Variants in CLASP1 observed in about 807,000 individuals in gnomAD.
CLASP1 encodes the protein CLIP-associating protein 1.
CLASP1 carries 38 observed loss-of-function variants against 192.3 expected under a neutral mutation model. That is an observed-to-expected ratio of 0.20 (90% confidence interval 0.15 to 0.26). The LOEUF is 0.26. Ranked by LOEUF, CLASP1 falls within the 10% of genes least tolerant of loss-of-function variation. The pLI is 1.00. For missense variants in CLASP1, 1,433 were observed against 1,932.5 expected (o/e 0.74, Z 4.85); for synonymous variants, 691 against 712.8 (o/e 0.97, Z 0.49).
intron 22 of CLASP1, among the ~76,000 whole-genome samples, chr2:121,422,875 T>C (rs761803715): frequency 2.4e-4 from 37 of 152,178 alleles, no homozygotes; most frequent in Admixed American, 2.4e-3. Context: ...ATTAAAACTG[T>C]TGAATTTGTT....
In CLASP1 at chr2:121,605,184, T is replaced by C. The variant is rs538312331; in HGVS notation, c.195+517A>G. On this transcript the variant is annotated intron_variant, in intron 2 of 39. Coordinates refer to ENST00000263710, the Ensembl canonical transcript of CLASP1. ...GCCTTGACCTTTAGATCCTGAAGGA[T>C]ATCCTCTAGGCCATTACACACAGGT... Among the ~76,000 whole-genome samples the C allele has an allele frequency of 2.4e-5, 3 of 124,900 alleles. No individual in the cohort carries two copies. The East Asian group carries it at 7.9e-4, about 33-fold the overall frequency. The allele number at this position is 124,900 out of a possible 152,430, so 81.9% of individuals were successfully genotyped here.
intron 1 of CLASP1, among the ~76,000 whole-genome samples, chr2:121,621,282 T>G (rs1274638623): frequency 6.6e-6 from 1 of 151,910 alleles, no homozygotes; most frequent in Admixed American, 6.6e-5. Context: ...TTTACAACCA[T>G]GTTTTCTTCT....
chr2:121,363,269 A>G (rs1359842128), exon 37 of CLASP1: 1 of 1,613,786 alleles, frequency 6.2e-7, no homozygotes, highest in Non-Finnish European at 8.5e-7. Context: ...AATTTCCCTC[A>G]AAACTCTTAA....
At chr2:121,488,241 A>G (rs908524566) in intron 8 of CLASP1, among the ~76,000 whole-genome samples, 1 of 152,208 alleles carries the variant, frequency 6.6e-6, no homozygotes, top group Non-Finnish European at 1.5e-5. Context: ...AAGATCAACT[A>G]TATTATTTTA....
At chr2:121,498,491 G>A (rs2093623142) in intron 8 of CLASP1, among the ~76,000 whole-genome samples, 1 of 152,154 alleles carries the variant, frequency 6.6e-6, no homozygotes, top group African/African-American at 2.4e-5. Context: ...ACAGGTGTGA[G>A]CCACTGCACC....
chr2:121,434,736 G>A (rs974446991), intron 19 of CLASP1, among the ~76,000 whole-genome samples: 30 of 152,108 alleles, frequency 2.0e-4, no homozygotes, highest in Admixed American at 9.2e-4. Context: ...ACACCTGTAA[G>A]CCCAGCACTT....
chr2:121,426,105 A>G (rs1331538376), intron 21 of CLASP1, among the ~76,000 whole-genome samples: 1 of 152,214 alleles, frequency 6.6e-6, no homozygotes, highest in African/African-American at 2.4e-5. Context: ...TGATCACACC[A>G]CTGCACTTCA....
intron 8 of CLASP1, among the ~76,000 whole-genome samples, chr2:121,480,002 G>A (rs190316032): frequency 6.7e-4 from 102 of 152,294 alleles, no homozygotes; most frequent in African/African-American, 2.3e-3. Flanking sequence ...CCACAGAAGT[G>A]AGCGTGGAAT....
In CLASP1 at chr2:121,457,672, T is replaced by C; in HGVS notation, c.1385+15A>G. 6.3e-7 allele frequency: 1 copy of C among 1,593,518 alleles called. No individual in the cohort carries two copies. The highest frequency in any genetic ancestry group is 1.1e-5 in the South Asian group (1 of 89,136). Reference sequence around the variant, plus strand: ...AAACAATTCAAAAACAATGAGAAAATCCTTTAAAATTTACCTTCTAACTGC... The same window carrying C: ...AAACAATTCAAAAACAATGAGAAAACCCTTTAAAATTTACCTTCTAACTGC... On this transcript the variant is annotated intron_variant, in intron 14 of 39. Coordinates refer to ENST00000263710, the Ensembl canonical transcript of CLASP1.
rs568503651 is a variant in CLASP1 at position 121,569,129 on chromosome 2, C to T, written c.195+36572G>A. Among the ~76,000 whole-genome samples, 44 of 152,288 alleles carry T rather than the reference C, an allele frequency of 2.9e-4. 1 individual carries two copies. Among genetic ancestry groups the T allele is most frequent in the African/African-American group, 1.1e-3 (44 of 41,564 alleles). On this transcript the variant is annotated intron_variant, in intron 2 of 39. Transcript: ENST00000263710. ...AGACGCTAATGACTTTGCCTGTCTT[C>T]CTAAACTGCCATAAGAGGTCTCTGC...
chr2:121,385,489 G>A (rs1194643331), intron 32 of CLASP1, among the ~76,000 whole-genome samples: 3 of 152,190 alleles, frequency 2.0e-5, no homozygotes, highest in Non-Finnish European at 4.4e-5. Context: ...AAGGAATAAT[G>A]ACCTTGAAAA....
chr2:121,612,779 G>C (rs907136609), intron 1 of CLASP1, among the ~76,000 whole-genome samples: 4 of 152,174 alleles, frequency 2.6e-5, no homozygotes, highest in African/African-American at 7.2e-5. Context: ...GAGGCACTGC[G>C]ATACAAACAT....
chr2:121,384,886 A>T (rs13414383), intron 32 of CLASP1, among the ~76,000 whole-genome samples: 3,824 of 152,236 alleles, frequency 0.025, 108 homozygotes, highest in African/African-American at 0.069. Context: ...ATCTCTAAAT[A>T]AATTAATTAA....
chr2:121,485,128 C>G (rs148058227), intron 8 of CLASP1, among the ~76,000 whole-genome samples: 1 of 152,250 alleles, frequency 6.6e-6, no homozygotes, highest in African/African-American at 2.4e-5. Context: ...AGGCCTTTTA[C>G]CAAAGGCATA....
intron 1 of CLASP1, among the ~76,000 whole-genome samples, chr2:121,639,920 C>T (rs530899157): frequency 6.6e-6 from 1 of 150,572 alleles, no homozygotes; most frequent in East Asian, 2.0e-4. Context: ...CACATGCACA[C>T]GTATGTTTAC....
chr2:121,621,637 T>C (rs540442207), intron 1 of CLASP1, among the ~76,000 whole-genome samples: 4 of 152,376 alleles, frequency 2.6e-5, no homozygotes, highest in Non-Finnish European at 4.4e-5. Flanking sequence ...AAGGGTTTAG[T>C]TCTGGATTCT....
chr2:121,510,332 A>C (rs1015932872), intron 7 of CLASP1, among the ~76,000 whole-genome samples: 2 of 152,228 alleles, frequency 1.3e-5, no homozygotes, highest in Non-Finnish European at 2.9e-5. Flanking sequence ...GGCTCAAATT[A>C]ATGAAATAAG....
chr2:121,411,079 T>A, intron 23 of CLASP1, 110 bp from the exon 25 acceptor site: 1 of 670,576 alleles, frequency 1.5e-6, no homozygotes, highest in Non-Finnish European at 2.5e-6. Context: ...CTGAAAAGTC[T>A]CTAGCCAATT....
At chr2:121,397,960 T>G (rs950342109) in intron 29 of CLASP1, among the ~76,000 whole-genome samples, 10 of 152,240 alleles carry the variant, frequency 6.6e-5, no homozygotes, top group African/African-American at 2.4e-4. Flanking sequence ...TACCTATCTC[T>G]ACACACAAGA....
Sources: allele counts gnomAD v4.1 joint callset (sites outside exome capture counted in the v4.1 genomes callset), GRCh38; gene constraint gnomAD v4.1.1; transcripts MANE v1.5; gene names NCBI Gene and HGNC (gene_info 2026-07-23, HGNC 2026-07-21).